The following PLOD1 variants were observed in gnomAD, a reference collection of about 807,000 sequenced individuals.
The protein encoded by PLOD1 is lysine hydroxylase.
A neutral mutation model predicts 94.7 loss-of-function variants in PLOD1; 70 were observed. The observed-to-expected ratio is 0.74, with a 90% CI of 0.61 to 0.90. The LOEUF (loss-of-function observed/expected upper bound fraction) is 0.90. Ranked by LOEUF, PLOD1 falls within the 40% of genes least tolerant of loss-of-function variation. PLOD1 has a pLI of 0.00. For missense variants in PLOD1, 905 were observed against 972.7 expected (o/e 0.93, Z 0.93); for synonymous variants, 417 against 400.2 (o/e 1.04, Z -0.50).
At chr1:11,940,990 A>C (rs1645611345) in intron 1 of PLOD1, among the ~76,000 whole-genome samples, 2 of 152,192 alleles carry the variant, frequency 1.3e-5, no homozygotes, top group South Asian at 4.1e-4. Context: ...AAATGAAGAC[A>C]AGAGCATGGG....
At chr1:11,965,166 A>T (rs767595151) in intron 13 of PLOD1, among the ~76,000 whole-genome samples, 8 of 146,242 alleles carry the variant, frequency 5.5e-5, no homozygotes, top group African/African-American at 2.1e-4. Context: ...TTTTTTTTTT[A>T]AACATGCAGC....
chr1:11,960,867 G>C lies in PLOD1; in HGVS notation c.1097+100G>C, dbSNP rs1011165837. On this transcript the variant is annotated intron_variant, in intron 10 of 18. Transcript: ENST00000196061. ...CTGAGTGACAGGAGTTCAGAAGGCT[G>C]TGTGTGCTCTAGCAAGTTCCTGCCC... 4.9e-5 allele frequency: 77 copies of C among 1,555,594 alleles called. No homozygotes were observed. In the Admixed American group the frequency reaches 1.3e-3, roughly 27 times the overall value.
rs1645754087 is a variant in PLOD1, at chr1:11,958,362, T to A, written c.844-154T>A. Among the ~76,000 whole-genome samples, 1 of 150,806 alleles carries A rather than the reference T, an allele frequency of 6.6e-6. No homozygotes were observed. The highest frequency in any genetic ancestry group is 6.6e-5 in the Admixed American group (1 of 15,198). On this transcript the variant is annotated intron_variant, in intron 8 of 18. Transcript: ENST00000196061. The surrounding 1 kb of genome is among the most constrained non-coding windows in gnomAD (Gnocchi z 4.3). Reference sequence around the variant, plus strand: ...CTCCTGCTGCTTCCCTGCCCCCCCGTACCCCCTGACTGGAGTTCCCCGGCC... The same window carrying A: ...CTCCTGCTGCTTCCCTGCCCCCCCGAACCCCCTGACTGGAGTTCCCCGGCC...
In PLOD1 at chr1:11,964,104, C is replaced by A. The variant is rs1249350642; in HGVS notation, c.1203-71C>A. 5.4e-6 allele frequency: 8 copies of A among 1,492,302 alleles called. No individual in the cohort carries two copies. The South Asian group carries it at 6.8e-5, about 13-fold the overall frequency. 92.4% of individuals were successfully genotyped at this position (1,492,302 alleles called of 1,614,324 possible). A position where few individuals can be genotyped will look rare whatever the true frequency, so the allele number is the denominator to read the frequency against. ...AGGTTGAGGGGCACCTACCTCCCCC[C>A]ATCCCTGGTTAGTGCTGTCTCCTAC... On this transcript the variant is annotated intron_variant, in intron 11 of 18. Transcript: ENST00000196061.
intron 4 of PLOD1, among the ~76,000 whole-genome samples, chr1:11,951,630 A>G (rs1449873617): frequency 6.8e-6 from 1 of 146,958 alleles, no homozygotes; most frequent in Non-Finnish European, 1.5e-5. Flanking sequence ...TTTATATAAT[A>G]TATATAATAT....
rs1004912296 is a variant in PLOD1 at position 11,964,564 on chromosome 1, C to T, written c.1329-80C>T. 6.3e-6 allele frequency: 9 copies of T among 1,425,824 alleles called. No individual in the cohort carries two copies. In the African/African-American group the frequency reaches 1.1e-4, roughly 18 times the overall value. The allele number at this position is 1,425,824 out of a possible 1,614,324, so 88.3% of individuals were successfully genotyped here. A position where few individuals can be genotyped will look rare whatever the true frequency, so the allele number is the denominator to read the frequency against. On this transcript the variant is annotated intron_variant, in intron 12 of 18. Coordinates refer to ENST00000196061, the MANE Select transcript of PLOD1 (RefSeq NM_000302.4). The stretch of plus-strand genomic sequence containing the variant: ...CACACCCAGACTCCAGGCTATGACT[C>T]CCCACCACCACCCTGTGACCCCCTC...
At chr1:11,949,546 A>C (rs547953454) in intron 2 of PLOD1, among the ~76,000 whole-genome samples, 1 of 152,018 alleles carries the variant, frequency 6.6e-6, no homozygotes, top group East Asian at 1.9e-4. Flanking sequence ...TAGCCTCCCG[A>C]GTAGCTGGAA....
chr1:11,970,591 G>T (rs961962502), intron 16 of PLOD1, 79 bp from the exon 17 acceptor site: 3 of 1,347,598 alleles, frequency 2.2e-6, no homozygotes, highest in Non-Finnish European at 3.2e-6. Flanking sequence ...TCACATTCCC[G>T]GGTGTAGGAG....
chr1:11,935,188 G>GT lies in PLOD1; in HGVS notation c.76+334dup, dbSNP rs200802856. Among the ~76,000 whole-genome samples, 116 of 152,320 alleles carry GT rather than the reference G, an allele frequency of 7.6e-4. 1 individual carries two copies. In the East Asian group the frequency reaches 0.019, roughly 25 times the overall value. ...TCAGTTAGGCATGATTGCTACCCTG[G>GT]TAAGTGTTTCCTTCTATTATCCCCG... On this transcript the variant is annotated intron_variant, in intron 1 of 18. Transcript: ENST00000196061.
intron 1 of PLOD1, among the ~76,000 whole-genome samples, chr1:11,946,356 G>A (rs1645654707): frequency 6.6e-6 from 1 of 152,180 alleles, no homozygotes; most frequent in South Asian, 2.1e-4. Flanking sequence ...TACAGAGCCT[G>A]GGAGAGGTTC....
chr1:11,934,961 G>T, intron 1 of PLOD1, 106 bp downstream of exon 1: 1 of 1,359,096 alleles, frequency 7.4e-7, no homozygotes, highest in African/African-American at 1.5e-5. Context: ...GCTGGAGAGG[G>T]AGTCTGGGTT....
At chr1:11,942,318 G>A (rs1162947626) in intron 1 of PLOD1, among the ~76,000 whole-genome samples, 1 of 152,180 alleles carries the variant, frequency 6.6e-6, no homozygotes, top group African/African-American at 2.4e-5. Context: ...AGGCCAGAAT[G>A]TACAGTGTGT....
Position 11,950,460 on chromosome 1 carries a change from C to T in PLOD1, c.406C>T (p.Arg136Cys), listed in dbSNP as rs761296670. Residue 136 changes from arginine (R) to cysteine (C), a missense_variant, in exon 4 of 19, where the codon CGC becomes TGC. Physicochemically the swap from Arg to Cys is radical, Grantham distance 180 (BLOSUM62 -3). Coordinates refer to ENST00000196061, the MANE Select transcript of PLOD1 (RefSeq NM_000302.4). ...FSAEELIYPD[R>C]RLETKYPVVS... The stretch of plus-strand genomic sequence containing the variant: ...TGCTGAGGAGCTCATCTACCCAGAC[C>T]GCAGGCTGGAGACCAAGTATCCGGT... 1.2e-5 allele frequency: 20 copies of T among 1,613,900 alleles called. No individual in the cohort carries two copies. Among genetic ancestry groups the T allele is most frequent in the Admixed American group, 3.3e-5 (2 of 59,996 alleles).
In PLOD1 at chr1:11,963,324, A is replaced by G. The variant is rs1645791777; in HGVS notation, c.1098-208A>G. Reference sequence around the variant, plus strand: ...CAGGATTTTCAGGGCACTTGATACCAGTTGCCAACCTCTGGGCCTTGGGTG... The same window carrying G: ...CAGGATTTTCAGGGCACTTGATACCGGTTGCCAACCTCTGGGCCTTGGGTG... On this transcript the variant is annotated intron_variant, in intron 10 of 18. Coordinates refer to ENST00000196061, the MANE Select transcript of PLOD1 (RefSeq NM_000302.4). This position sits in a 1 kb window ranked among gnomAD's most constrained non-coding sequence, Gnocchi z 4.3. Among the ~76,000 whole-genome samples the G allele has an allele frequency of 6.6e-6, 1 of 152,194 alleles. No homozygotes were observed. The highest frequency in any genetic ancestry group is 6.5e-5 in the Admixed American group (1 of 15,278).
At chr1:11,955,382 G>A (rs1293496445) in intron 6 of PLOD1, among the ~76,000 whole-genome samples, 1 of 152,192 alleles carries the variant, frequency 6.6e-6, no homozygotes, top group East Asian at 1.9e-4. Flanking sequence ...GTCTTCCTGA[G>A]TGACCTCAGG....
At position 11,963,436 on chromosome 1, in the gene PLOD1, C is replaced by T. The variant is rs904828695; in HGVS notation, c.1098-96C>T. 1 of 806,986 alleles carries T rather than the reference C, an allele frequency of 1.2e-6. No homozygotes were observed. The allele number at this position is 806,986 out of a possible 1,614,324, so 50.0% of individuals were successfully genotyped here. ...GTGTGACCTCTCTAAAGCCCCTTGGCTGATATGTGGTGAAGCCAGACTGTG... is the reference window on the plus strand; with the variant it reads ...GTGTGACCTCTCTAAAGCCCCTTGGTTGATATGTGGTGAAGCCAGACTGTG... On this transcript the variant is annotated intron_variant, in intron 10 of 18. Coordinates refer to ENST00000196061, the MANE Select transcript of PLOD1 (RefSeq NM_000302.4). The surrounding 1 kb of genome is among the most constrained non-coding windows in gnomAD (Gnocchi z 4.3).
chr1:11,963,091 CTT>C lies in PLOD1; in HGVS notation c.1098-440_1098-439del, dbSNP rs1645790475. 6.6e-6 allele frequency among the ~76,000 whole-genome samples: 1 copy of C among 152,102 alleles called. No individual in the cohort carries two copies. Among genetic ancestry groups the C allele is most frequent in the African/African-American group, 2.4e-5 (1 of 41,420 alleles). Reference sequence around the variant, plus strand: ...AAAAAAAGAAAAACATAAAGCTGTTCTTAGCCCATGAGCTGTACAAAACCAGG... The same window carrying C: ...AAAAAAAGAAAAACATAAAGCTGTTCAGCCCATGAGCTGTACAAAACCAGG... On this transcript the variant is annotated intron_variant, in intron 10 of 18. Coordinates refer to ENST00000196061, the MANE Select transcript of PLOD1 (RefSeq NM_000302.4). This position sits in a 1 kb window ranked among gnomAD's most constrained non-coding sequence, Gnocchi z 4.3.
intron 4 of PLOD1, 67 bp from the exon 5 acceptor site, chr1:11,952,556 G>A (rs762563218): frequency 1.8e-6 from 2 of 1,097,864 alleles, no homozygotes; most frequent in South Asian, 1.2e-5. Context: ...AAGGGTGGGA[G>A]GAGGCCCCTG....
intron 1 of PLOD1, among the ~76,000 whole-genome samples, chr1:11,937,341 A>C (rs1202335696): frequency 6.6e-6 from 1 of 152,196 alleles, no homozygotes; most frequent in Non-Finnish European, 1.5e-5. Flanking sequence ...GTTCAGCTCA[A>C]TGCCTGGCCC....
Sources: gnomAD v4.1 joint callset for allele counts (sites outside exome capture counted in the v4.1 genomes callset) on GRCh38, gnomAD v4.1.1 for gene constraint, Gnocchi (gnomAD v3.1) non-coding constraint, MANE v1.5 for transcripts, NCBI Gene and HGNC (gene_info 2026-07-23, HGNC 2026-07-21) for gene names.